Variants in FGF2 observed in about 807,000 individuals in gnomAD.
The protein encoded by FGF2 is fibroblast growth factor 2.
In FGF2, 13 loss-of-function variants were observed where a neutral mutation model predicts 15.9. The observed-to-expected ratio is 0.82, with a 90% confidence interval of 0.53 to 1.30. The LOEUF is 1.30. Among genes scored for constraint, FGF2 ranks in the 50% most tolerant of loss-of-function variants. The pLI, the probability that FGF2 is intolerant of heterozygous loss-of-function variation, is 0.00. For missense variants in FGF2, 163 were observed against 196.9 expected, an observed-to-expected ratio of 0.83 and a Z score of 1.03; for synonymous variants, 90 against 78.4, an observed-to-expected ratio of 1.15 and a Z score of -0.78.
chr4:122,865,618 AT>A (rs1726558411), intron 1 of FGF2, among the ~76,000 whole-genome samples: 2 of 152,146 alleles, frequency 1.3e-5, no homozygotes, highest in African/African-American at 2.4e-5. Flanking sequence ...GCATTGCCTA[AT>A]TTCCAAATAT....
intron 2 of FGF2, 119 bp from the exon 3 acceptor site, chr4:122,892,092 C>A: frequency 1.1e-6 from 1 of 901,498 alleles, no homozygotes; most frequent in Non-Finnish European, 1.7e-6. Context: ...CCCTGCTGAA[C>A]CCAACATCAC....
intron 1 of FGF2, among the ~76,000 whole-genome samples, chr4:122,835,364 C>G (rs1348010269): frequency 6.6e-6 from 1 of 151,976 alleles, no homozygotes; most frequent in South Asian, 2.1e-4. Flanking sequence ...TGTATTCCCC[C>G]AAGGTTCTGT....
chr4:122,879,611 C>T (rs927239138), intron 2 of FGF2, among the ~76,000 whole-genome samples: 10 of 152,092 alleles, frequency 6.6e-5, no homozygotes, highest in East Asian at 1.9e-4. Context: ...TTCATGCTGC[C>T]GATAAAGACA....
chr4:122,855,897 A>G (rs1411100942), intron 1 of FGF2, among the ~76,000 whole-genome samples: 2 of 152,138 alleles, frequency 1.3e-5, no homozygotes, highest in South Asian at 2.1e-4. Flanking sequence ...AGCAAAAGTG[A>G]TATTTGAGCT....
chr4:122,871,025 T>C (rs45497091), intron 1 of FGF2, among the ~76,000 whole-genome samples: 1 of 152,240 alleles, frequency 6.6e-6, no homozygotes, highest in Admixed American at 6.5e-5. Context: ...ACATTGTCTC[T>C]TTGTTCTCGT....
chr4:122,880,806 C>T (rs2150786390), intron 2 of FGF2, among the ~76,000 whole-genome samples: 1 of 152,318 alleles, frequency 6.6e-6, no homozygotes, highest in Middle Eastern at 3.4e-3. Flanking sequence ...CACAGCTCCA[C>T]TAGGTGGTGC....
At chr4:122,882,982 CTG>C (rs1726990101) in intron 2 of FGF2, 1 of 152,226 alleles carries the variant, frequency 6.6e-6, no homozygotes, top group Non-Finnish European at 1.5e-5. Context: ...AGACATTAAA[CTG>C]TCAACAACAG....
intron 1 of FGF2, among the ~76,000 whole-genome samples, chr4:122,830,027 T>G (rs1035377609): frequency 7.2e-5 from 11 of 152,338 alleles, no homozygotes; most frequent in African/African-American, 2.6e-4. Flanking sequence ...GAAAAATCTA[T>G]GGTCTCATTC....
intron 2 of FGF2, 74 bp downstream of exon 2, chr4:122,876,498 T>C: frequency 2.2e-6 from 2 of 928,318 alleles, no homozygotes; most frequent in Non-Finnish European, 3.6e-6. Flanking sequence ...TTGTTGTTTA[T>C]CAAATCTTTA....
intron 1 of FGF2, among the ~76,000 whole-genome samples, chr4:122,856,312 C>G (rs1726340248): frequency 6.6e-6 from 1 of 152,154 alleles, no homozygotes; most frequent in Admixed American, 6.5e-5. Context: ...CCTTTCAGTG[C>G]TTTATCCCTT....
chr4:122,837,846 T>C (rs1578451385), intron 1 of FGF2, among the ~76,000 whole-genome samples: 1 of 152,190 alleles, frequency 6.6e-6, no homozygotes, highest in African/African-American at 2.4e-5. Flanking sequence ...ATATTTTACC[T>C]TTAAATGTAA....
chr4:122,827,401 C>T lies in FGF2; in HGVS notation c.178+49C>T. 1 of 1,594,086 alleles carries T rather than the reference C, an allele frequency of 6.3e-7. No individual in the cohort carries two copies. Among genetic ancestry groups the T allele is most frequent in the South Asian group, 1.1e-5 (1 of 90,386 alleles). On this transcript the variant is annotated intron_variant, in intron 1 of 2. Coordinates refer to ENST00000644866, the MANE Select transcript of FGF2 (RefSeq NM_001361665.2). This position sits in a 1 kb window ranked among gnomAD's most constrained non-coding sequence, Gnocchi z 4.2. ...GCCTCATTTCCATTTCGTGGGTTCT[C>T]GCCCGCTCTCTCCCCTCCAGCCTGC... is the stretch of plus-strand genomic sequence containing the variant.
rs1727273104 is a variant in FGF2 at position 122,894,025 on chromosome 4, G to GCAAGGCA, written c.*1629_*1630insCAAGGCA. 6.6e-6 allele frequency: 1 copy of GCAAGGCA among 152,134 alleles called. No homozygotes were observed. The highest frequency in any genetic ancestry group is 1.5e-5 in the Non-Finnish European group (1 of 68,030). 9.4% of individuals were successfully genotyped at this position (152,134 alleles called of 1,614,324 possible). A position where few individuals can be genotyped will look rare whatever the true frequency, so the allele number is the denominator to read the frequency against. Reference sequence around the variant, plus strand: ...TATTTGCCCTTGCAGTAATTCTACTGGTGAAAAACATGCAAAGAAGAGGAA... The same window carrying GCAAGGCA: ...TATTTGCCCTTGCAGTAATTCTACTGCAAGGCAGTGAAAAACATGCAAAGAAGAGGAA... On this transcript the variant is annotated 3_prime_UTR_variant, in exon 3 of 3. Coordinates refer to ENST00000644866, the MANE Select transcript of FGF2 (RefSeq NM_001361665.2).
At chr4:122,855,859 C>G (rs1726329387) in intron 1 of FGF2, among the ~76,000 whole-genome samples, 1 of 152,194 alleles carries the variant, frequency 6.6e-6, no homozygotes, top group Non-Finnish European at 1.5e-5. Flanking sequence ...CTCCCCTCTT[C>G]TAATTACTAA....
intron 1 of FGF2, among the ~76,000 whole-genome samples, chr4:122,853,494 T>A (rs1726275803): frequency 6.6e-6 from 1 of 151,788 alleles, no homozygotes; most frequent in Non-Finnish European, 1.5e-5. Context: ...GAAGACAAGA[T>A]GTAAGGAGGA....
At chr4:122,839,274 A>G (rs1725927515) in intron 1 of FGF2, among the ~76,000 whole-genome samples, 1 of 152,204 alleles carries the variant, frequency 6.6e-6, no homozygotes, top group Non-Finnish European at 1.5e-5. Context: ...ACTGTCATAA[A>G]GATAACTAAA....
chr4:122,888,723 G>GT (rs1727107493), intron 2 of FGF2: 1 of 152,188 alleles, frequency 6.6e-6, no homozygotes, highest in Non-Finnish European at 1.5e-5. Context: ...CTTTCTCAAT[G>GT]GAGCCTACTG....
chr4:122,851,484 C>T (rs1726231375), intron 1 of FGF2, among the ~76,000 whole-genome samples: 1 of 152,134 alleles, frequency 6.6e-6, no homozygotes, highest in Non-Finnish European at 1.5e-5. Context: ...TGGTCAGAGA[C>T]TGTTTAACAA....
Position 122,876,310 on chromosome 4 carries a change from T to C in FGF2, c.179-11T>C, listed in dbSNP as rs766763272. On this transcript the variant is annotated splice_polypyrimidine_tract_variant and intron_variant, in intron 1 of 2. Transcript: ENST00000644866. ...GTGGTGCTACAAAGATAATTTTTTT[T>C]CCCGTTACAGTCAAGCTACAACTTC... The C allele has an allele frequency of 1.3e-5, 20 of 1,554,568 alleles. No homozygotes were observed. The Admixed American group carries it at 2.2e-4, about 17-fold the overall frequency.
Sources: gnomAD v4.1 joint callset for allele counts (sites outside exome capture counted in the v4.1 genomes callset) on GRCh38, gnomAD v4.1.1 for gene constraint, Gnocchi (gnomAD v3.1) non-coding constraint, MANE v1.5 for transcripts, NCBI Gene and HGNC (gene_info 2026-07-23, HGNC 2026-07-21) for gene names.